Variants in MPDZ observed in about 807,000 individuals in gnomAD.
MPDZ encodes multiple PDZ domain protein.
A neutral mutation model predicts 239.1 loss-of-function variants in MPDZ; 234 were observed. That is an observed-to-expected ratio of 0.98 (90% CI 0.88 to 1.09). The LOEUF (loss-of-function observed/expected upper bound fraction) is 1.09. Among genes scored for constraint, MPDZ ranks in the 50% least tolerant of loss-of-function variants. The probability of loss-of-function intolerance (pLI) is 0.00; values close to 1 mark genes in which losing one functional copy is unlikely to be tolerated. For synonymous variants in MPDZ, 1,048 were observed against 881.3 expected, an observed-to-expected ratio of 1.19 and a Z score of -3.35; for missense variants, 3,175 against 2,510.0, an observed-to-expected ratio of 1.26 and a Z score of -5.66.
chr9:13,165,274 T>A, intron 22 of MPDZ: 5 of 1,222,182 alleles, frequency 4.1e-6, no homozygotes, highest in Non-Finnish European at 4.6e-6. Flanking sequence ...CTGGATCTAT[T>A]CTTGCATTGG....
chr9:13,175,890 AAG>A lies in MPDZ; in HGVS notation c.2932-17_2932-16del. On this transcript the variant is annotated splice_polypyrimidine_tract_variant and intron_variant, in intron 20 of 46. Coordinates refer to ENST00000319217, the MANE Select transcript of MPDZ (RefSeq NM_001378778.1). Reference sequence around the variant, plus strand: ...TACTCAGAGCCCTTTAAGAAAGAAAAAGAAGTCACAAGTCACATGGAAAGGGA... The same window carrying A: ...TACTCAGAGCCCTTTAAGAAAGAAAAAAGTCACAAGTCACATGGAAAGGGA... 6.3e-7 allele frequency: 1 copy of A among 1,576,470 alleles called. No individual in the cohort carries two copies. Among genetic ancestry groups the A allele is most frequent in the East Asian group, 2.3e-5 (1 of 43,730 alleles).
rs1038028967 is a variant in MPDZ at position 13,279,439 on chromosome 9, G to A, written c.-97C>T. 1.5e-4 allele frequency: 22 copies of A among 148,294 alleles called. No homozygotes were observed. The highest frequency in any genetic ancestry group is 8.0e-4 in the Admixed American group (12 of 14,938). The allele number at this position is 148,294 out of a possible 1,614,324, so 9.2% of individuals were successfully genotyped here. On this transcript the variant is annotated 5_prime_UTR_variant, in exon 1 of 47. Coordinates refer to ENST00000319217, the MANE Select transcript of MPDZ (RefSeq NM_001378778.1). ...CCGCCCAGGGCCGCGACGCGAGGGGGCGGAGGACTGGGGAGCAGGGGTCGC... is the reference window on the plus strand; with the variant it reads ...CCGCCCAGGGCCGCGACGCGAGGGGACGGAGGACTGGGGAGCAGGGGTCGC...
chr9:13,203,701 G>A (rs543611488), intron 12 of MPDZ, among the ~76,000 whole-genome samples: 34 of 147,362 alleles, frequency 2.3e-4, no homozygotes, highest in Non-Finnish European at 3.7e-4. Flanking sequence ...CCTGATTCTA[G>A]GTCTATAGTC....
At position 13,193,205 on chromosome 9, in the gene MPDZ, G is replaced by A; in HGVS notation, c.1765C>T (p.His589Tyr). The A allele has an allele frequency of 6.2e-7, 1 of 1,605,160 alleles. No individual in the cohort carries two copies. The highest frequency in any genetic ancestry group is 8.5e-7 in the Non-Finnish European group (1 of 1,174,634). The change falls in exon 14 of 47, where the codon CAC (histidine) becomes TAC (tyrosine). Residue 589 changes from histidine to tyrosine, a missense_variant. Coordinates refer to ENST00000319217, the MANE Select transcript of MPDZ (RefSeq NM_001378778.1). ...RSVLPEGPVG[H>Y]SGKLFSGDEL... Reference sequence around the variant, plus strand: ...TCTCCACTGAAGAGCTTCCCGCTGTGTCCAACAGGACCCTCTGGTAGAACA... The same window carrying A: ...TCTCCACTGAAGAGCTTCCCGCTGTATCCAACAGGACCCTCTGGTAGAACA...
chr9:13,116,101 A>G (rs924464373), intron 39 of MPDZ, among the ~76,000 whole-genome samples: 1 of 152,194 alleles, frequency 6.6e-6, no homozygotes, highest in African/African-American at 2.4e-5. Context: ...ATGATATAAA[A>G]TTTAGATAAA....
At chr9:13,234,544 G>C (rs1027947406) in intron 3 of MPDZ, among the ~76,000 whole-genome samples, 1 of 152,046 alleles carries the variant, frequency 6.6e-6, no homozygotes, top group Admixed American at 6.6e-5. Context: ...ACACAGTATA[G>C]CAGTAAGAAT....
chr9:13,154,008 C>T (rs1396075676), intron 24 of MPDZ, among the ~76,000 whole-genome samples: 4 of 152,104 alleles, frequency 2.6e-5, no homozygotes, highest in African/African-American at 7.2e-5. Context: ...TTAATTTTCA[C>T]ATCATACCTA....
At chr9:13,114,831 C>T (rs1005451596) in intron 40 of MPDZ, among the ~76,000 whole-genome samples, 5 of 151,744 alleles carry the variant, frequency 3.3e-5, no homozygotes, top group African/African-American at 1.2e-4. Flanking sequence ...GCCCGGGAGG[C>T]GAAGGTTGCA....
chr9:13,275,502 T>A (rs895033572), intron 1 of MPDZ, among the ~76,000 whole-genome samples: 3 of 152,218 alleles, frequency 2.0e-5, no homozygotes, highest in African/African-American at 7.2e-5. Context: ...TCTGTGTTAT[T>A]TTGTCAAGGC....
chr9:13,117,921 T>C (rs147963753), intron 39 of MPDZ, among the ~76,000 whole-genome samples: 1,825 of 149,430 alleles, frequency 0.012, 34 homozygotes, highest in African/African-American at 0.042. Context: ...CTCGGCTTAC[T>C]GCAACCTCTG....
chr9:13,180,246 T>C (rs1360956037), intron 19 of MPDZ, among the ~76,000 whole-genome samples: 1 of 152,214 alleles, frequency 6.6e-6, no homozygotes, highest in Non-Finnish European at 1.5e-5. Context: ...TTTGTAAGAA[T>C]GTTCAGACTA....
At chr9:13,256,140 C>T (rs758581477) in intron 1 of MPDZ, among the ~76,000 whole-genome samples, 3 of 152,204 alleles carry the variant, frequency 2.0e-5, no homozygotes, top group Non-Finnish European at 4.4e-5. Flanking sequence ...ACCTCATGAA[C>T]CAACCTCTGC....
At chr9:13,139,193 C>T (rs1296711745) in intron 28 of MPDZ, among the ~76,000 whole-genome samples, 3 of 152,194 alleles carry the variant, frequency 2.0e-5, no homozygotes, top group African/African-American at 7.2e-5. Context: ...ACTCCTTCCA[C>T]AATACAGCAG....
At chr9:13,154,611 C>G (rs1229283153) in intron 24 of MPDZ, among the ~76,000 whole-genome samples, 2 of 152,126 alleles carry the variant, frequency 1.3e-5, no homozygotes, top group African/African-American at 2.4e-5. Flanking sequence ...AAAACAAAAG[C>G]TTTGGCACAT....
intron 6 of MPDZ, 122 bp downstream of exon 6, chr9:13,222,111 A>G: frequency 3.0e-6 from 2 of 672,324 alleles, no homozygotes; most frequent in Non-Finnish European, 4.7e-6. Context: ...GGGGAAAAAT[A>G]AAAGAATAGT....
At chr9:13,128,590 G>A (rs1945455659) in intron 32 of MPDZ, among the ~76,000 whole-genome samples, 1 of 152,206 alleles carries the variant, frequency 6.6e-6, no homozygotes, top group African/African-American at 2.4e-5. Context: ...TTTAAGTTGT[G>A]AAGTTTGGTG....
intron 22 of MPDZ, 108 bp from the exon 23 acceptor site, chr9:13,162,903 A>T: frequency 1.5e-6 from 1 of 672,024 alleles, no homozygotes; most frequent in Non-Finnish European, 2.5e-6. Context: ...CTTTCTCCCT[A>T]CTTTTTCATA....
chr9:13,162,853 G>C, intron 22 of MPDZ, 58 bp from the exon 23 acceptor site: 1 of 1,184,260 alleles, frequency 8.4e-7, no homozygotes, highest in African/African-American at 1.5e-5. Context: ...CTAATTGTTA[G>C]GAAAAGCTTC....
rs1410554182 is a variant in MPDZ, at chr9:13,123,175, A to G, written c.4931T>C (p.Val1644Ala). ...KGRTGLGLSI[V>A]GGSDTLLGAI... ...CACCAGCAGCGTGTCTGAACCCCCA[A>G]CGATGCTCAGGCCCAGCCCTGTTCG... Residue 1644 changes from valine (V) to alanine (A), a missense_variant, in exon 36 of 47, where the codon GTT becomes GCT. Val to Ala is a moderately conservative substitution (Grantham distance 64). Transcript: ENST00000319217. The G allele has an allele frequency of 3.7e-6, 6 of 1,612,636 alleles. No homozygotes were observed. Among genetic ancestry groups the G allele is most frequent in the Non-Finnish European group, 5.1e-6 (6 of 1,179,674 alleles).
Sources: gnomAD v4.1 joint callset for allele counts (sites outside exome capture counted in the v4.1 genomes callset) on GRCh38, gnomAD v4.1.1 for gene constraint, MANE v1.5 for transcripts, NCBI Gene and HGNC (gene_info 2026-07-23, HGNC 2026-07-21) for gene names.